Variants in TENT2 observed in about 807,000 individuals in gnomAD.
The protein encoded by TENT2 is poly(A) RNA polymerase GLD2.
TENT2 carries 44 observed loss-of-function variants against 72.2 expected under a neutral mutation model. That is an observed-to-expected ratio of 0.61 (90% CI 0.48 to 0.78). The LOEUF is 0.78. Among genes scored for constraint, TENT2 ranks in the 30% least tolerant of loss-of-function variants. The pLI is 0.00. For synonymous variants in TENT2, 212 were observed against 192.5 expected (o/e 1.10, Z -0.84); for missense variants, 541 against 569.6 (o/e 0.95, Z 0.51).
intron 1 of TENT2, among the ~76,000 whole-genome samples, chr5:79,618,286 G>A (rs757880381): frequency 2.0e-5 from 3 of 152,144 alleles, no homozygotes; most frequent in African/African-American, 7.2e-5. Context: ...GAGTGCAGTG[G>A]CATGAACATG....
rs1412662880 is a variant in TENT2, at chr5:79,642,893, A to G, written c.734A>G (p.His245Arg). 1 of 1,611,822 alleles carries G rather than the reference A, an allele frequency of 6.2e-7. No individual in the cohort carries two copies. The highest frequency in any genetic ancestry group is 1.1e-5 in the South Asian group (1 of 90,900). ...ARHILTLVHK[H>R]FCTRLSGYIE... is the part of the protein sequence containing the mutation. ...CATATACTCACCTTAGTCCATAAAC[A>G]CTTCTGTACTAGACTTTGTAAGTCT... The change falls in exon 7 of 15, where the codon CAC becomes CGC. Residue 245 changes from histidine to arginine, a missense_variant. Coordinates refer to ENST00000453514, the MANE Select transcript of TENT2 (RefSeq NM_001114394.3).
At chr5:79,623,673 A>G (rs1766922672) in intron 4 of TENT2, 184 bp downstream of exon 4, 1 of 415,438 alleles carries the variant, frequency 2.4e-6, no homozygotes, top group South Asian at 6.6e-5. Flanking sequence ...ATTCTTTTAT[A>G]GAAATGCAGC....
intron 4 of TENT2, among the ~76,000 whole-genome samples, chr5:79,629,237 T>C (rs768743931): frequency 6.6e-6 from 1 of 152,240 alleles, no homozygotes. Context: ...CTATGTTATA[T>C]TGATACCATT....
chr5:79,645,182 G>T lies in TENT2; in HGVS notation c.811G>T (p.Asp271Tyr), dbSNP rs757252836. ...AAAAGTGCCAATTGTGAAGTTCAGG[G>T]ATAAAGTCAGGTAAATAATTAATGA... ...RAKVPIVKFR[D>Y]KVSCVEFDLN... is the part of the protein sequence containing the mutation. Residue 271 changes from aspartate (D) to tyrosine (Y), a missense_variant, in exon 8 of 15, where the codon GAT (aspartate) becomes TAT (tyrosine). Transcript: ENST00000453514. 6.2e-7 allele frequency: 1 copy of T among 1,605,882 alleles called. No homozygotes were observed. The highest frequency in any genetic ancestry group is 1.1e-5 in the South Asian group (1 of 89,606).
At chr5:79,653,083 C>T (rs1054809679) in intron 10 of TENT2, among the ~76,000 whole-genome samples, 2 of 152,072 alleles carry the variant, frequency 1.3e-5, no homozygotes, top group African/African-American at 2.4e-5. Context: ...GTGCCCTACT[C>T]CTTAATTCTT....
At chr5:79,616,067 A>G (rs183998448) in intron 1 of TENT2, among the ~76,000 whole-genome samples, 10 of 150,792 alleles carry the variant, frequency 6.6e-5, no homozygotes, top group Middle Eastern at 3.5e-3. Flanking sequence ...TTGTATTTTT[A>G]GTAGAGACGG....
chr5:79,649,804 A>G (rs1050039864), intron 10 of TENT2, among the ~76,000 whole-genome samples: 55 of 152,254 alleles, frequency 3.6e-4, no homozygotes, highest in African/African-American at 1.2e-3. Context: ...CGGTACTGAA[A>G]ATTTCCTAGA....
chr5:79,672,135 T>G (rs1813434286), intron 12 of TENT2, among the ~76,000 whole-genome samples: 1 of 151,960 alleles, frequency 6.6e-6, no homozygotes, highest in Non-Finnish European at 1.5e-5. Context: ...TTTTCTTACC[T>G]ACTTCACTCA....
intron 12 of TENT2, among the ~76,000 whole-genome samples, chr5:79,669,758 T>A (rs1411381673): frequency 6.6e-6 from 1 of 151,798 alleles, no homozygotes; most frequent in African/African-American, 2.4e-5. Flanking sequence ...AATAATAAAT[T>A]GCTATTACTA....
intron 10 of TENT2, among the ~76,000 whole-genome samples, chr5:79,651,588 A>G (rs577895320): frequency 1.7e-4 from 26 of 152,018 alleles, no homozygotes; most frequent in African/African-American, 5.8e-4. Flanking sequence ...CACTTTTGGC[A>G]CACACACACA....
intron 9 of TENT2, 47 bp from the exon 10 acceptor site, chr5:79,649,015 G>A (rs758011618): frequency 8.7e-5 from 138 of 1,586,996 alleles, no homozygotes; most frequent in Admixed American, 2.1e-4. Context: ...AACTTTCAAA[G>A]AAACTATAAC....
At chr5:79,656,430 A>AT (rs563906499) in intron 10 of TENT2, among the ~76,000 whole-genome samples, 195 of 151,662 alleles carry the variant, frequency 1.3e-3, no homozygotes, top group African/African-American at 4.2e-3. Flanking sequence ...TTTTTATTTG[A>AT]TTTTTTTTGT....
intron 11 of TENT2, among the ~76,000 whole-genome samples, chr5:79,659,674 A>G (rs1000993875): frequency 6.7e-6 from 1 of 148,182 alleles, no homozygotes; most frequent in African/African-American, 2.5e-5. Context: ...ATCCTGAACA[A>G]ATAAACTTGC....
At chr5:79,658,632 G>A (rs977020662) in intron 11 of TENT2, among the ~76,000 whole-genome samples, 1 of 152,166 alleles carries the variant, frequency 6.6e-6, no homozygotes, top group African/African-American at 2.4e-5. Flanking sequence ...AGTTGCATAT[G>A]TTCTTTAGCA....
intron 4 of TENT2, among the ~76,000 whole-genome samples, chr5:79,636,883 GT>G (rs930471201): frequency 7.9e-4 from 120 of 152,134 alleles, no homozygotes; most frequent in African/African-American, 2.8e-3. Flanking sequence ...ATTTTTAATT[GT>G]TTGTTGATAG....
intron 4 of TENT2, among the ~76,000 whole-genome samples, chr5:79,637,647 G>T (rs980495331): frequency 6.6e-6 from 1 of 152,094 alleles, no homozygotes; most frequent in South Asian, 2.1e-4. Flanking sequence ...GGCTTGTCTC[G>T]GATTCCTGGG....
At chr5:79,663,773 C>G (rs553723877) in intron 11 of TENT2, among the ~76,000 whole-genome samples, 2 of 152,048 alleles carry the variant, frequency 1.3e-5, no homozygotes, top group African/African-American at 4.8e-5. Flanking sequence ...ACCTGAAGTG[C>G]GCACACGCTG....
chr5:79,666,256 T>C (rs1178502211), intron 11 of TENT2, among the ~76,000 whole-genome samples: 2 of 152,170 alleles, frequency 1.3e-5, no homozygotes, highest in Admixed American at 6.5e-5. Context: ...CCTGAAGTGC[T>C]GGGATTACAG....
chr5:79,637,385 A>G (rs1036585408), intron 4 of TENT2, among the ~76,000 whole-genome samples: 32 of 151,086 alleles, frequency 2.1e-4, no homozygotes, highest in African/African-American at 7.8e-4. Context: ...TCCTCCTGTT[A>G]TTTGTCTTTG....
Sources: allele counts gnomAD v4.1 joint callset (sites outside exome capture counted in the v4.1 genomes callset), GRCh38; gene constraint gnomAD v4.1.1; transcripts MANE v1.5; gene names NCBI Gene and HGNC (gene_info 2026-07-23, HGNC 2026-07-21).